Variants in TCF7L1 observed in about 807,000 individuals in gnomAD.
The protein encoded by TCF7L1 is transcription factor 7-like 1.
Under a neutral mutation model 63.7 loss-of-function variants are expected in TCF7L1, and 18 were observed. That is an observed-to-expected ratio of 0.28 (90% CI 0.20 to 0.42). The LOEUF is 0.42. Ranked by LOEUF, TCF7L1 falls within the 10% of genes least tolerant of loss-of-function variation. TCF7L1 has a pLI of 1.00. For missense variants in TCF7L1, 654 were observed against 779.3 expected, an observed-to-expected ratio of 0.84 and a Z score of 1.91; for synonymous variants, 355 against 340.9, an observed-to-expected ratio of 1.04 and a Z score of -0.46.
At chr2:85,171,271 C>T (rs567390294) in intron 3 of TCF7L1, among the ~76,000 whole-genome samples, 2 of 152,178 alleles carry the variant, frequency 1.3e-5, no homozygotes, top group African/African-American at 2.4e-5. Context: ...TTCCATGACT[C>T]GTGGGAATTG....
At chr2:85,303,227 G>C (rs1234189697) in intron 5 of TCF7L1, among the ~76,000 whole-genome samples, 2 of 152,000 alleles carry the variant, frequency 1.3e-5, no homozygotes, top group Non-Finnish European at 2.9e-5. Flanking sequence ...AGTAGAGATG[G>C]GTTTCTGCCA....
chr2:85,143,449 C>T (rs566375839), intron 3 of TCF7L1, among the ~76,000 whole-genome samples: 6 of 152,246 alleles, frequency 3.9e-5, no homozygotes, highest in Non-Finnish European at 8.8e-5. Flanking sequence ...TCTTAAGGGG[C>T]GCAAATAGCT....
rs1177209712 is a variant in TCF7L1, at chr2:85,309,439, C to G, written c.1744C>G (p.Leu582Val). Reference sequence around the variant, plus strand: ...GGTGCTACAGGCCCAGCCTCTTTCCCTGGTCACCAAGTCTGCCCACTAAGC... The same window carrying G: ...GGTGCTACAGGCCCAGCCTCTTTCCGTGGTCACCAAGTCTGCCCACTAAGC... ...LPVLQAQPLS[L>V]VTKSAH Residue 582 changes from leucine to valine, a missense_variant, in exon 12 of 12, where the codon CTG becomes GTG. By Grantham distance (32) the Leu-to-Val change is conservative. Around this residue, in one of 3 missense-constraint regions of TCF7L1, gnomAD observed 184 missense variants for 204.0 expected, o/e 0.90. Coordinates refer to ENST00000282111, the MANE Select transcript of TCF7L1 (RefSeq NM_031283.3). 6.5e-7 allele frequency: 1 copy of G among 1,539,854 alleles called. No individual in the cohort carries two copies. Among genetic ancestry groups the G allele is most frequent in the Non-Finnish European group, 8.7e-7 (1 of 1,143,188 alleles).
chr2:85,238,959 A>G (rs538448543), intron 3 of TCF7L1, among the ~76,000 whole-genome samples: 1 of 152,116 alleles, frequency 6.6e-6, no homozygotes, highest in East Asian at 1.9e-4. Context: ...AGCTGGGACT[A>G]CAGGCGTGAT....
At chr2:85,283,992 CTGTTTT>C (rs548206677) in intron 4 of TCF7L1, among the ~76,000 whole-genome samples, 60 of 152,276 alleles carry the variant, frequency 3.9e-4, no homozygotes, top group African/African-American at 6.5e-4. Context: ...AGAGGCTCTT[CTGTTTT>C]TGTTTTTGTT....
intron 3 of TCF7L1, among the ~76,000 whole-genome samples, chr2:85,154,756 A>G (rs1300344024): frequency 6.6e-6 from 1 of 152,142 alleles, no homozygotes. Context: ...CTGTGTTCTC[A>G]GCACCAGATA....
chr2:85,198,994 G>A (rs759263748), intron 3 of TCF7L1, among the ~76,000 whole-genome samples: 1 of 152,100 alleles, frequency 6.6e-6, no homozygotes, highest in African/African-American at 2.4e-5. Context: ...GGTTTTTTGT[G>A]GGGGTAGGAG....
chr2:85,246,417 A>C (rs1680465543), intron 3 of TCF7L1, among the ~76,000 whole-genome samples: 1 of 152,284 alleles, frequency 6.6e-6, no homozygotes, highest in South Asian at 2.1e-4. Flanking sequence ...CTCACCTCCC[A>C]CACAGCTCCA....
At chr2:85,257,398 A>G (rs1002534835) in intron 3 of TCF7L1, among the ~76,000 whole-genome samples, 3 of 152,176 alleles carry the variant, frequency 2.0e-5, no homozygotes, top group Admixed American at 1.3e-4. Context: ...GCTCCAGGGC[A>G]TCCTCGGACT....
chr2:85,199,347 C>T (rs1348299763), intron 3 of TCF7L1, among the ~76,000 whole-genome samples: 3 of 152,142 alleles, frequency 2.0e-5, no homozygotes, highest in African/African-American at 7.2e-5. Flanking sequence ...AAAATAAAAT[C>T]CCAGTTCTAC....
intron 3 of TCF7L1, among the ~76,000 whole-genome samples, chr2:85,177,980 G>A (rs2104245799): frequency 6.6e-6 from 1 of 152,266 alleles, no homozygotes; most frequent in Middle Eastern, 3.4e-3. Flanking sequence ...ACACCATTCT[G>A]TGGAACGGAT....
At chr2:85,228,880 G>T (rs545721403) in intron 3 of TCF7L1, among the ~76,000 whole-genome samples, 4 of 151,684 alleles carry the variant, frequency 2.6e-5, no homozygotes, top group African/African-American at 9.7e-5. Context: ...AATTAGCCGG[G>T]GAGGGTGGTG....
chr2:85,184,588 G>A (rs1273444716), intron 3 of TCF7L1, among the ~76,000 whole-genome samples: 1 of 152,140 alleles, frequency 6.6e-6, no homozygotes, highest in African/African-American at 2.4e-5. Flanking sequence ...GCATGCAGGT[G>A]GAAGGCCAGA....
intron 3 of TCF7L1, among the ~76,000 whole-genome samples, chr2:85,205,645 C>T (rs189473066): frequency 3.4e-4 from 51 of 152,168 alleles, no homozygotes; most frequent in African/African-American, 1.2e-3. Flanking sequence ...GATCCTCCCA[C>T]CTCAGCCTCC....
chr2:85,261,123 GGTGTGTGTGTGTGT>G lies in TCF7L1; in HGVS notation c.442-22336_442-22323del, dbSNP rs3223762. ...TTCAATTACTTCCTCAATTATTGCT[GGTGTGTGTGTGTGT>G]GTGTGTGTGTGTGTGTGTGTGTGTG... On this transcript the variant is annotated intron_variant, in intron 3 of 11. Transcript: ENST00000282111. Among the ~76,000 whole-genome samples, 485 of 106,756 alleles carry G rather than the reference GGTGTGTGTGTGTGT, an allele frequency of 4.5e-3. 1 individual carries two copies. The highest frequency in any genetic ancestry group is 8.0e-3 in the Non-Finnish European group (365 of 45,688). The allele number at this position is 106,756 out of a possible 152,430, so 70.0% of individuals were successfully genotyped here.
chr2:85,161,917 C>A, intron 3 of TCF7L1, among the ~76,000 whole-genome samples: 1 of 152,138 alleles, frequency 6.6e-6, no homozygotes, highest in East Asian at 1.9e-4. Context: ...GGAACAGTCC[C>A]ACATGGGAAA....
intron 10 of TCF7L1, 139 bp from the exon 11 acceptor site, chr2:85,307,503 T>C: frequency 1.5e-6 from 1 of 663,828 alleles, no homozygotes; most frequent in African/African-American, 1.8e-5. Context: ...GGCTGTGATC[T>C]GAATTATCTC....
chr2:85,257,572 C>G (rs955848474), intron 3 of TCF7L1, among the ~76,000 whole-genome samples: 3 of 152,178 alleles, frequency 2.0e-5, no homozygotes. Context: ...TCCAAGGGCC[C>G]CCCTTGGAGT....
At chr2:85,229,950 A>G (rs902412721) in intron 3 of TCF7L1, among the ~76,000 whole-genome samples, 2 of 152,156 alleles carry the variant, frequency 1.3e-5, no homozygotes, top group African/African-American at 4.8e-5. Context: ...CAAGGCTGCA[A>G]TGAGCTGAGA....
Sources: allele counts gnomAD v4.1 joint callset (sites outside exome capture counted in the v4.1 genomes callset), GRCh38; gene constraint gnomAD v4.1.1; regional missense constraint gnomAD v4.1.1; transcripts MANE v1.5; gene names NCBI Gene and HGNC (gene_info 2026-07-23, HGNC 2026-07-21).